Variants in ADK observed in about 807,000 individuals in gnomAD.
ADK encodes N6,N6-dimethyladenosine kinase.
In ADK, 24 loss-of-function variants were observed where a neutral mutation model predicts 44.7. That is an observed-to-expected ratio of 0.54 (90% confidence interval 0.39 to 0.76). The LOEUF (loss-of-function observed/expected upper bound fraction) is 0.76. Among genes scored for constraint, ADK ranks in the 30% least tolerant of loss-of-function variants. The pLI is 0.00. For missense variants in ADK, 321 were observed against 425.1 expected, an observed-to-expected ratio of 0.76 and a Z score of 2.15; for synonymous variants, 128 against 142.6, an observed-to-expected ratio of 0.90 and a Z score of 0.73.
At chr10:74,359,258 G>T (rs12415736) in intron 4 of ADK, among the ~76,000 whole-genome samples, 5 of 152,014 alleles carry the variant, frequency 3.3e-5, no homozygotes, top group Admixed American at 2.6e-4. Context: ...GTGTGATGCC[G>T]CAGCTTTCTC....
At chr10:74,601,929 A>G (rs1852141296) in intron 9 of ADK, among the ~76,000 whole-genome samples, 1 of 104,332 alleles carries the variant, frequency 9.6e-6, no homozygotes, top group Non-Finnish European at 1.7e-5. Flanking sequence ...CATCTCTACA[A>G]AAAAAAATGG....
chr10:74,519,613 G>C (rs1036658696), intron 6 of ADK, among the ~76,000 whole-genome samples: 1 of 151,924 alleles, frequency 6.6e-6, no homozygotes, highest in Non-Finnish European at 1.5e-5. Flanking sequence ...CTCAGAAGTA[G>C]AATTACTGGG....
At chr10:74,561,287 A>G (rs1365412908) in intron 7 of ADK, among the ~76,000 whole-genome samples, 1 of 152,230 alleles carries the variant, frequency 6.6e-6, no homozygotes, top group Non-Finnish European at 1.5e-5. Flanking sequence ...GTTATTAAAG[A>G]GAAGTACCTC....
intron 3 of ADK, among the ~76,000 whole-genome samples, chr10:74,294,431 C>G (rs1839739202): frequency 2.6e-5 from 4 of 151,986 alleles, no homozygotes; most frequent in Admixed American, 2.6e-4. Context: ...GGATTACAGG[C>G]ACACGCCACC....
chr10:74,657,919 A>T (rs1854550034), intron 9 of ADK, among the ~76,000 whole-genome samples: 1 of 152,246 alleles, frequency 6.6e-6, no homozygotes, highest in African/African-American at 2.4e-5. Flanking sequence ...CCAAGAAGAC[A>T]TGCCTTATTT....
intron 2 of ADK, among the ~76,000 whole-genome samples, chr10:74,208,984 A>G (rs748357033): frequency 1.3e-5 from 2 of 152,074 alleles, no homozygotes; most frequent in Admixed American, 6.6e-5. Context: ...TGATCTGCCC[A>G]CCTCGGTCTC....
At chr10:74,238,708 A>G (rs1294557231) in intron 3 of ADK, among the ~76,000 whole-genome samples, 2 of 152,096 alleles carry the variant, frequency 1.3e-5, no homozygotes, top group East Asian at 3.8e-4. Context: ...GCCTTGACAT[A>G]ATTTTCAGGC....
chr10:74,240,404 G>GTGTGTGTC (rs1193562524), intron 3 of ADK, among the ~76,000 whole-genome samples: 11 of 151,334 alleles, frequency 7.3e-5, no homozygotes, highest in African/African-American at 2.4e-4. Context: ...GTGTGTGTCT[G>GTGTGTGTC]TGTGTGTGTG....
chr10:74,560,719 T>C lies in ADK; in HGVS notation c.727-28563T>C, dbSNP rs191091497. 8.6e-4 allele frequency among the ~76,000 whole-genome samples: 131 copies of C among 152,324 alleles called. 2 individuals are homozygous for C. The highest frequency in any genetic ancestry group is 3.0e-3 in the African/African-American group (124 of 41,586). ...TTATAGTATTGAGAAGCATAGCTAG[T>C]AGCATTTCACCCAACAGAAAAAATT... On this transcript the variant is annotated intron_variant, in intron 7 of 10. Coordinates refer to ENST00000539909, the MANE Select transcript of ADK (RefSeq NM_006721.4).
chr10:74,514,850 G>A (rs558449488), intron 6 of ADK, among the ~76,000 whole-genome samples: 1 of 151,734 alleles, frequency 6.6e-6, no homozygotes, highest in African/African-American at 2.4e-5. Context: ...TTTAAGACAA[G>A]TTCTCATTCT....
chr10:74,700,391 C>T (rs1036866510), intron 10 of ADK, among the ~76,000 whole-genome samples: 23 of 151,996 alleles, frequency 1.5e-4, no homozygotes, highest in Non-Finnish European at 2.8e-4. Flanking sequence ...TACAGGCACC[C>T]GCCACCACAC....
chr10:74,206,859 G>A (rs1023706642), intron 2 of ADK, among the ~76,000 whole-genome samples: 3 of 152,086 alleles, frequency 2.0e-5, no homozygotes, highest in East Asian at 1.9e-4. Flanking sequence ...TTAGGGTGTC[G>A]CTTTTCCAGC....
intron 2 of ADK, among the ~76,000 whole-genome samples, chr10:74,202,577 A>G (rs937212025): frequency 3.3e-5 from 5 of 152,200 alleles, no homozygotes; most frequent in East Asian, 3.8e-4. Flanking sequence ...TTGCATTCCT[A>G]CCGGCAGTGC....
intron 1 of ADK, among the ~76,000 whole-genome samples, chr10:74,183,669 C>A (rs972749492): frequency 6.6e-6 from 1 of 151,474 alleles, no homozygotes; most frequent in Non-Finnish European, 1.5e-5. Context: ...TGCCACCACA[C>A]CTGGCTGATT....
At chr10:74,332,464 T>C (rs1033420840) in intron 4 of ADK, among the ~76,000 whole-genome samples, 4 of 152,256 alleles carry the variant, frequency 2.6e-5, no homozygotes, top group Admixed American at 2.6e-4. Context: ...TTTATTACCA[T>C]CTGGTCTCTT....
At chr10:74,656,758 C>A (rs1294443851) in intron 9 of ADK, among the ~76,000 whole-genome samples, 2 of 152,178 alleles carry the variant, frequency 1.3e-5, no homozygotes, top group Non-Finnish European at 2.9e-5. Flanking sequence ...AGGCCAGAAC[C>A]AGTAGCCACT....
chr10:74,550,534 C>T (rs1256848423), intron 7 of ADK, among the ~76,000 whole-genome samples: 2 of 152,144 alleles, frequency 1.3e-5, no homozygotes, highest in East Asian at 1.9e-4. Flanking sequence ...TTGCCTCTCC[C>T]CTCCAGCAGT....
At chr10:74,638,605 A>C (rs1396625851) in intron 9 of ADK, among the ~76,000 whole-genome samples, 1 of 152,236 alleles carries the variant, frequency 6.6e-6, no homozygotes, top group East Asian at 1.9e-4. Flanking sequence ...ACAGTGAGCT[A>C]TGATCATACC....
At chr10:74,597,396 A>G (rs1466880822) in intron 8 of ADK, among the ~76,000 whole-genome samples, 2 of 152,110 alleles carry the variant, frequency 1.3e-5, no homozygotes, top group Non-Finnish European at 2.9e-5. Context: ...AACTACAATA[A>G]CTGAACTATA....
Sources: gnomAD v4.1 joint callset for allele counts (sites outside exome capture counted in the v4.1 genomes callset) on GRCh38, gnomAD v4.1.1 for gene constraint, MANE v1.5 for transcripts, NCBI Gene and HGNC (gene_info 2026-07-23, HGNC 2026-07-21) for gene names.